Variants in CACNA2D3 observed in about 807,000 individuals in gnomAD.
The protein encoded by CACNA2D3 is calcium voltage-gated channel auxiliary subunit alpha2delta 3, also known as voltage-dependent calcium channel subunit alpha-2/delta-3.
A neutral mutation model predicts 160.6 loss-of-function variants in CACNA2D3; 60 were observed. The ratio of observed to expected loss-of-function variants is 0.37; its 90% CI spans 0.30 to 0.46. CACNA2D3 has a LOEUF of 0.46. Ranked by LOEUF, CACNA2D3 falls within the 20% of genes least tolerant of loss-of-function variation. The pLI, the probability that CACNA2D3 is intolerant of heterozygous loss-of-function variation, is 1.00. For missense variants in CACNA2D3, 1,205 were observed against 1,365.0 expected, an observed-to-expected ratio of 0.88 and a Z score of 1.85; for synonymous variants, 558 against 492.9, an observed-to-expected ratio of 1.13 and a Z score of -1.75.
At chr3:54,698,569 A>G (rs1040952745) in intron 11 of CACNA2D3, among the ~76,000 whole-genome samples, 3 of 152,142 alleles carry the variant, frequency 2.0e-5, no homozygotes, top group African/African-American at 7.2e-5. Context: ...AAACACCACA[A>G]ATACTTGACA....
At chr3:54,385,656 G>A (rs530307935) in intron 3 of CACNA2D3, among the ~76,000 whole-genome samples, 31 of 152,266 alleles carry the variant, frequency 2.0e-4, no homozygotes, top group African/African-American at 5.8e-4. Context: ...ATGTATTTCA[G>A]CCTCTTCACT....
At chr3:54,190,560 A>C (rs1700960110) in intron 2 of CACNA2D3, among the ~76,000 whole-genome samples, 1 of 152,220 alleles carries the variant, frequency 6.6e-6, no homozygotes, top group Non-Finnish European at 1.5e-5. Context: ...GAAATCTCTA[A>C]GCATGTCACT....
chr3:54,140,389 G>T (rs79262209), intron 2 of CACNA2D3, among the ~76,000 whole-genome samples: 3,207 of 152,300 alleles, frequency 0.021, 42 homozygotes, highest in Non-Finnish European at 0.033. Context: ...AATACCAGGC[G>T]TTCTGAAGAC....
intron 9 of CACNA2D3, among the ~76,000 whole-genome samples, chr3:54,591,020 T>C (rs1702849225): frequency 1.3e-5 from 2 of 152,204 alleles, no homozygotes; most frequent in South Asian, 4.1e-4. Context: ...TTTTTATTAG[T>C]ATTTGGGGAT....
chr3:54,958,720 G>A (rs1701962292), intron 27 of CACNA2D3, among the ~76,000 whole-genome samples: 1 of 152,170 alleles, frequency 6.6e-6, no homozygotes, highest in South Asian at 2.1e-4. Flanking sequence ...TTCTCTCAGG[G>A]CTAAGTATGC....
At chr3:54,563,881 G>C (rs1316099988) in intron 6 of CACNA2D3, among the ~76,000 whole-genome samples, 1 of 152,134 alleles carries the variant, frequency 6.6e-6, no homozygotes, top group African/African-American at 2.4e-5. Flanking sequence ...CTCGAGAATT[G>C]CCTGCTGGGT....
chr3:54,717,526 GGT>G (rs1246653425), intron 11 of CACNA2D3, among the ~76,000 whole-genome samples: 4 of 150,136 alleles, frequency 2.7e-5, no homozygotes, highest in African/African-American at 9.8e-5. Flanking sequence ...GTGTGTGTGT[GGT>G]GTGTGTGTGG....
intron 27 of CACNA2D3, among the ~76,000 whole-genome samples, chr3:54,966,022 C>T (rs1314693720): frequency 1.3e-5 from 2 of 152,024 alleles, no homozygotes; most frequent in Non-Finnish European, 2.9e-5. Context: ...GGTAGAGGAC[C>T]GACAGGGGCA....
At chr3:54,807,370 C>G (rs1052554997) in intron 13 of CACNA2D3, among the ~76,000 whole-genome samples, 1 of 152,138 alleles carries the variant, frequency 6.6e-6, no homozygotes, top group East Asian at 1.9e-4. Context: ...AAAAAACAAA[C>G]AACCCCATCA....
At chr3:54,520,785 A>G (rs545837749) in intron 5 of CACNA2D3, among the ~76,000 whole-genome samples, 6 of 151,872 alleles carry the variant, frequency 4.0e-5, no homozygotes, top group African/African-American at 1.4e-4. Context: ...CATTCACCCC[A>G]CCCCTAAGCA....
intron 13 of CACNA2D3, among the ~76,000 whole-genome samples, chr3:54,802,299 G>A (rs145152769): frequency 1.1e-3 from 164 of 152,290 alleles, no homozygotes; most frequent in African/African-American, 3.8e-3. Context: ...CTGGGGTAGG[G>A]AGGGGAGAAG....
chr3:54,287,234 T>C (rs950263341), intron 2 of CACNA2D3, among the ~76,000 whole-genome samples: 3 of 152,098 alleles, frequency 2.0e-5, no homozygotes, highest in Non-Finnish European at 4.4e-5. Flanking sequence ...CGGAGGAAGA[T>C]ATACCAAGCA....
chr3:54,595,730 A>C (rs1377235571), intron 9 of CACNA2D3, among the ~76,000 whole-genome samples: 1 of 152,288 alleles, frequency 6.6e-6, no homozygotes, highest in East Asian at 1.9e-4. Flanking sequence ...AGTGAAACAG[A>C]GGTAGATATA....
chr3:54,283,437 G>A (rs1702929392), intron 2 of CACNA2D3, among the ~76,000 whole-genome samples: 1 of 152,188 alleles, frequency 6.6e-6, no homozygotes, highest in Non-Finnish European at 1.5e-5. Flanking sequence ...TCTTTTAGCA[G>A]AGTATTAAAC....
intron 21 of CACNA2D3, among the ~76,000 whole-genome samples, chr3:54,884,329 C>G (rs1450052994): frequency 6.6e-6 from 1 of 152,126 alleles, no homozygotes; most frequent in Non-Finnish European, 1.5e-5. Context: ...GTGGGTATGC[C>G]CACTTGGATC....
chr3:54,697,499 A>C (rs1332159680), intron 11 of CACNA2D3, among the ~76,000 whole-genome samples: 1 of 152,150 alleles, frequency 6.6e-6, no homozygotes, highest in Non-Finnish European at 1.5e-5. Context: ...GACAAGCAGA[A>C]ATCCCTATCT....
intron 4 of CACNA2D3, among the ~76,000 whole-genome samples, chr3:54,406,639 T>A (rs979106120): frequency 1.3e-5 from 2 of 151,716 alleles, no homozygotes; most frequent in Admixed American, 1.3e-4. Context: ...AGATAGAGAA[T>A]AAAACATTCA....
intron 4 of CACNA2D3, among the ~76,000 whole-genome samples, chr3:54,447,464 G>C (rs1171194871): frequency 6.6e-6 from 1 of 152,228 alleles, no homozygotes; most frequent in Non-Finnish European, 1.5e-5. Flanking sequence ...TTTTGTTTTT[G>C]TGTCAGTCAA....
intron 27 of CACNA2D3, among the ~76,000 whole-genome samples, chr3:54,921,739 G>A (rs961920624): frequency 1.3e-5 from 2 of 152,092 alleles, no homozygotes; most frequent in African/African-American, 4.8e-5. Flanking sequence ...ACAAGCTCGA[G>A]GGGTCTTATG....
Sources: allele counts gnomAD v4.1 joint callset (sites outside exome capture counted in the v4.1 genomes callset), GRCh38; gene constraint gnomAD v4.1.1; transcripts MANE v1.5; gene names NCBI Gene and HGNC (gene_info 2026-07-23, HGNC 2026-07-21).